Variants in HS3ST4 observed in about 807,000 individuals in gnomAD.
The protein encoded by HS3ST4 is heparan sulfate glucosamine 3-O-sulfotransferase 4.
Under a neutral mutation model 29.2 loss-of-function variants are expected in HS3ST4, and 17 were observed. That is an observed-to-expected ratio of 0.58 (90% CI 0.40 to 0.87). The LOEUF (loss-of-function observed/expected upper bound fraction) is 0.87, where lower values mean the gene tolerates loss of function less well. Among genes scored for constraint, HS3ST4 ranks in the 40% least tolerant of loss-of-function variants. The pLI is 0.00. For synonymous variants in HS3ST4, 314 were observed against 285.7 expected, an observed-to-expected ratio of 1.10 and a Z score of -1.00; for missense variants, 627 against 634.5, an observed-to-expected ratio of 0.99 and a Z score of 0.13.
chr16:25,695,857 A>G (rs1462043105), intron 1 of HS3ST4, among the ~76,000 whole-genome samples: 1 of 152,194 alleles, frequency 6.6e-6, no homozygotes, highest in Non-Finnish European at 1.5e-5. Context: ...CCAGTAGCCT[A>G]TGAATTCTGC....
At chr16:26,076,052 C>A (rs1898659045) in intron 1 of HS3ST4, among the ~76,000 whole-genome samples, 1 of 152,118 alleles carries the variant, frequency 6.6e-6, no homozygotes, top group Non-Finnish European at 1.5e-5. Context: ...AGTCCCAGAC[C>A]AGCCAATTTT....
intron 1 of HS3ST4, among the ~76,000 whole-genome samples, chr16:25,763,913 A>G (rs769674839): frequency 2.6e-5 from 4 of 152,194 alleles, no homozygotes; most frequent in Non-Finnish European, 4.4e-5. Context: ...GGGGACAGGA[A>G]AGGTTGCCTG....
chr16:25,753,234 G>T (rs1471084037), intron 1 of HS3ST4, among the ~76,000 whole-genome samples: 2 of 152,208 alleles, frequency 1.3e-5, no homozygotes, highest in Non-Finnish European at 2.9e-5. Flanking sequence ...TTTCTTCAAG[G>T]CTGATTCAAT....
At chr16:26,094,528 A>C (rs1300390349) in intron 1 of HS3ST4, among the ~76,000 whole-genome samples, 1 of 152,218 alleles carries the variant, frequency 6.6e-6, no homozygotes, top group Non-Finnish European at 1.5e-5. Flanking sequence ...TTCATAAGTG[A>C]AGGAGAAATA....
chr16:26,055,491 G>GA (rs1898396252), intron 1 of HS3ST4, among the ~76,000 whole-genome samples: 1 of 152,136 alleles, frequency 6.6e-6, no homozygotes. Context: ...TGGGCACAGA[G>GA]GCTATCAGGG....
chr16:25,859,897 G>C (rs532289152), intron 1 of HS3ST4, among the ~76,000 whole-genome samples: 4 of 152,272 alleles, frequency 2.6e-5, no homozygotes, highest in African/African-American at 9.6e-5. Context: ...TTAGGATCCA[G>C]CCGCACAGTG....
intron 1 of HS3ST4, among the ~76,000 whole-genome samples, chr16:25,752,426 A>G (rs1431588873): frequency 6.6e-6 from 1 of 152,206 alleles, no homozygotes; most frequent in East Asian, 1.9e-4. Context: ...TTTAGTAATT[A>G]ATCACATTTG....
At chr16:25,969,266 T>C (rs1450964316) in intron 1 of HS3ST4, among the ~76,000 whole-genome samples, 1 of 152,258 alleles carries the variant, frequency 6.6e-6, no homozygotes, top group African/African-American at 2.4e-5. Context: ...TTTGCTCTCA[T>C]ACTGTGGGCC....
intron 1 of HS3ST4, among the ~76,000 whole-genome samples, chr16:26,126,392 T>C (rs561588141): frequency 1.8e-4 from 28 of 152,344 alleles, no homozygotes; most frequent in African/African-American, 6.5e-4. Flanking sequence ...AACACTTATA[T>C]AGCGCTTATG....
chr16:25,712,312 A>G (rs1216016782), intron 1 of HS3ST4, among the ~76,000 whole-genome samples: 19 of 152,162 alleles, frequency 1.2e-4, no homozygotes, highest in Admixed American at 1.2e-3. Flanking sequence ...ACTTGAGTCA[A>G]GGGGTTTGAG....
chr16:25,971,479 G>T (rs1427269414), intron 1 of HS3ST4, among the ~76,000 whole-genome samples: 1 of 152,166 alleles, frequency 6.6e-6, no homozygotes, highest in Non-Finnish European at 1.5e-5. Flanking sequence ...GGGGCTGATG[G>T]TTCAACTGGT....
chr16:25,827,870 A>G (rs906627749), intron 1 of HS3ST4, among the ~76,000 whole-genome samples: 1 of 152,226 alleles, frequency 6.6e-6, no homozygotes, highest in African/African-American at 2.4e-5. Context: ...ACAGATGAGG[A>G]AGCTTGTCAC....
chr16:26,015,322 C>T (rs889466271), intron 1 of HS3ST4, among the ~76,000 whole-genome samples: 2 of 152,156 alleles, frequency 1.3e-5, no homozygotes, highest in African/African-American at 4.8e-5. Flanking sequence ...TTACAACCAA[C>T]CAAGGAAGAA....
chr16:25,911,316 A>G (rs922828939), intron 1 of HS3ST4, among the ~76,000 whole-genome samples: 1 of 151,976 alleles, frequency 6.6e-6, no homozygotes, highest in Non-Finnish European at 1.5e-5. Context: ...GAGTCTCTGC[A>G]GCAGGTGTTG....
intron 1 of HS3ST4, among the ~76,000 whole-genome samples, chr16:26,014,179 A>G (rs1457977640): frequency 6.6e-6 from 1 of 152,048 alleles, no homozygotes; most frequent in Non-Finnish European, 1.5e-5. Context: ...TTGTCTGTCT[A>G]TCCTACTAGT....
intron 1 of HS3ST4, among the ~76,000 whole-genome samples, chr16:26,132,936 C>T (rs1899439244): frequency 6.6e-6 from 1 of 152,082 alleles, no homozygotes; most frequent in African/African-American, 2.4e-5. Flanking sequence ...ATATATCTCT[C>T]CACTTGAAAT....
intron 1 of HS3ST4, among the ~76,000 whole-genome samples, chr16:26,047,145 A>G (rs1272167445): frequency 6.6e-6 from 1 of 152,226 alleles, no homozygotes; most frequent in African/African-American, 2.4e-5. Flanking sequence ...TCATTGGCTA[A>G]TTAGAGGAAT....
intron 1 of HS3ST4, among the ~76,000 whole-genome samples, chr16:25,887,190 T>C (rs534879556): frequency 6.6e-6 from 1 of 152,098 alleles, no homozygotes; most frequent in South Asian, 2.1e-4. Flanking sequence ...AGAAAGCTGA[T>C]GGGGAATTTG....
intron 1 of HS3ST4, among the ~76,000 whole-genome samples, chr16:25,724,029 G>A (rs900147486): frequency 6.1e-5 from 9 of 146,728 alleles, no homozygotes; most frequent in African/African-American, 1.5e-4. Flanking sequence ...CAGCAGAATC[G>A]CTTGAACCCA....
Sources: allele counts gnomAD v4.1 joint callset (sites outside exome capture counted in the v4.1 genomes callset), GRCh38; gene constraint gnomAD v4.1.1; transcripts MANE v1.5; gene names NCBI Gene and HGNC (gene_info 2026-07-23, HGNC 2026-07-21).